The following HS3ST3B1 variants were observed in gnomAD, a reference collection of about 807,000 sequenced individuals.
HS3ST3B1 encodes the protein heparan sulfate-glucosamine 3-sulfotransferase 3B1, also known as heparan sulfate glucosamine 3-O-sulfotransferase 3B1.
Under a neutral mutation model 21.3 loss-of-function variants are expected in HS3ST3B1, and 13 were observed. That is an observed-to-expected ratio of 0.61 (90% CI 0.40 to 0.97). The LOEUF is 0.97. HS3ST3B1 is among the 50% of genes least tolerant of loss of function. The pLI, the probability that HS3ST3B1 is intolerant of heterozygous loss-of-function variation, is 0.00. For missense variants in HS3ST3B1, 459 were observed against 554.8 expected (o/e 0.83, Z 1.73); for synonymous variants, 234 against 254.8 (o/e 0.92, Z 0.78).
At position 14,301,300 on chromosome 17, in the gene HS3ST3B1, C is replaced by T; in HGVS notation, c.-219C>T. 2.0e-6 allele frequency: 1 copy of T among 495,746 alleles called. No individual in the cohort carries two copies. Among genetic ancestry groups the T allele is most frequent in the East Asian group, 3.5e-5 (1 of 28,814 alleles). 30.7% of individuals were successfully genotyped at this position (495,746 alleles called of 1,614,324 possible). ...CCGTCCCGACTTTCCGTTCCAGTTGCAGCTCCTGCCGGGCAACATGTCAAG... is the reference window on the plus strand; with the variant it reads ...CCGTCCCGACTTTCCGTTCCAGTTGTAGCTCCTGCCGGGCAACATGTCAAG... On this transcript the variant is annotated 5_prime_UTR_variant, in exon 1 of 2. Transcript: ENST00000360954.
Position 14,347,668 on chromosome 17 carries a change from A to AT in HS3ST3B1, c.*2023dup, listed in dbSNP as rs1224823903. ...TTAAGTGATGTCTTGAAAATCCAGT[A>AT]TGTATTTGCCCAAAAGTTTTAGCCT... On this transcript the variant is annotated 3_prime_UTR_variant, in exon 2 of 2. Coordinates refer to ENST00000360954, the MANE Select transcript of HS3ST3B1 (RefSeq NM_006041.3). 6.6e-6 allele frequency: 1 copy of AT among 152,248 alleles called. No homozygotes were observed. Among genetic ancestry groups the AT allele is most frequent in the Non-Finnish European group, 1.5e-5 (1 of 68,050 alleles). The allele number at this position is 152,248 out of a possible 1,614,324, so 9.4% of individuals were successfully genotyped here.
rs1909024146 is a variant in HS3ST3B1 at position 14,303,702 on chromosome 17, T to A, written c.554+1630T>A. 6.6e-6 allele frequency among the ~76,000 whole-genome samples: 1 copy of A among 152,132 alleles called. No homozygotes were observed. The highest frequency in any genetic ancestry group is 1.5e-5 in the Non-Finnish European group (1 of 68,032). Reference sequence around the variant, plus strand: ...CGCAGGCACGTGAGGGCCTCTCTAATCGTTAGCTATTGTCACCGATTGTAT... The same window carrying A: ...CGCAGGCACGTGAGGGCCTCTCTAAACGTTAGCTATTGTCACCGATTGTAT... On this transcript the variant is annotated intron_variant, in intron 1 of 1. Transcript: ENST00000360954. The surrounding 1 kb of genome is among the most constrained non-coding windows in gnomAD (Gnocchi z 5.7).
chr17:14,308,921 T>C (rs1388216600), intron 1 of HS3ST3B1, among the ~76,000 whole-genome samples: 1 of 152,196 alleles, frequency 6.6e-6, no homozygotes, highest in African/African-American at 2.4e-5. Flanking sequence ...GAAAGATGGT[T>C]CTGGGCAATG....
intron 1 of HS3ST3B1, among the ~76,000 whole-genome samples, chr17:14,337,509 T>TTG (rs972874523): frequency 6.6e-6 from 1 of 150,744 alleles, no homozygotes; most frequent in African/African-American, 2.4e-5. Context: ...TTTTTTTTTT[T>TTG]GTATTTTTAG....
chr17:14,326,447 T>G (rs1424238473), intron 1 of HS3ST3B1, among the ~76,000 whole-genome samples: 3 of 152,334 alleles, frequency 2.0e-5, no homozygotes, highest in South Asian at 2.1e-4. Context: ...ATTCCCAGCC[T>G]GTTTTCCAAT....
rs1043504716 is a variant in HS3ST3B1 at position 14,301,332 on chromosome 17, C to A, written c.-187C>A. ...TGCCGGGCAACATGTCAAGAGCCGC[C>A]GCCGCTACAGCTGCCGCCGCCACCT... is the stretch of plus-strand genomic sequence containing the variant. On this transcript the variant is annotated 5_prime_UTR_variant, in exon 1 of 2. Transcript: ENST00000360954. 1 of 513,898 alleles carries A rather than the reference C, an allele frequency of 1.9e-6. No individual in the cohort carries two copies. The highest frequency in any genetic ancestry group is 3.3e-6 in the Non-Finnish European group (1 of 305,138). 31.8% of individuals were successfully genotyped at this position (513,898 alleles called of 1,614,324 possible). A position where few individuals can be genotyped will look rare whatever the true frequency, so the allele number is the denominator to read the frequency against.
chr17:14,317,557 G>A (rs189567350), intron 1 of HS3ST3B1, among the ~76,000 whole-genome samples: 4 of 152,270 alleles, frequency 2.6e-5, no homozygotes, highest in East Asian at 1.9e-4. Context: ...ACTGAAGCAC[G>A]GATAGGAGCT....
chr17:14,348,929 T>C lies in HS3ST3B1; in HGVS notation c.*3283T>C, dbSNP rs1910650472. On this transcript the variant is annotated 3_prime_UTR_variant, in exon 2 of 2. Coordinates refer to ENST00000360954, the MANE Select transcript of HS3ST3B1 (RefSeq NM_006041.3). ...GATGGAGGAGGAGAAATTGTTTTCT[T>C]CCCAGGATTCTCTTTGGGGGTCATT... 1 of 152,238 alleles carries C rather than the reference T, an allele frequency of 6.6e-6. No homozygotes were observed. The highest frequency in any genetic ancestry group is 1.5e-5 in the Non-Finnish European group (1 of 68,036). The allele number at this position is 152,238 out of a possible 1,614,324, so 9.4% of individuals were successfully genotyped here. A position where few individuals can be genotyped will look rare whatever the true frequency, so the allele number is the denominator to read the frequency against.
intron 1 of HS3ST3B1, chr17:14,327,895 A>C (rs569981706): frequency 6.6e-6 from 1 of 152,340 alleles, no homozygotes; most frequent in Admixed American, 6.5e-5. Flanking sequence ...AGCTGCAATT[A>C]AAGATTTTGT....
chr17:14,336,412 A>T (rs1910187375), intron 1 of HS3ST3B1, among the ~76,000 whole-genome samples: 1 of 152,228 alleles, frequency 6.6e-6, no homozygotes, highest in Non-Finnish European at 1.5e-5. Context: ...CATCAGAATT[A>T]TAGGGCTTTT....
intron 1 of HS3ST3B1, chr17:14,329,367 A>AAGAAAAGGAAGGAAGG (rs1555549453): frequency 1.2e-3 from 124 of 106,190 alleles, no homozygotes; most frequent in African/African-American, 4.1e-3. Flanking sequence ...GAAAGAAAGA[A>AAGAAAAGGAAGGAAGG]AAGGAAGGAA....
intron 1 of HS3ST3B1, among the ~76,000 whole-genome samples, chr17:14,323,015 C>T (rs912617750): frequency 3.3e-5 from 5 of 151,128 alleles, no homozygotes; most frequent in Admixed American, 6.6e-5. Context: ...AAGCGATTCT[C>T]CTGCCTCAGC....
At chr17:14,313,255 A>C (rs1412195023) in intron 1 of HS3ST3B1, among the ~76,000 whole-genome samples, 1 of 151,544 alleles carries the variant, frequency 6.6e-6, no homozygotes, top group African/African-American at 2.4e-5. Context: ...GGTGTGAGCC[A>C]CTGAACCTGG....
At chr17:14,304,354 C>T (rs1278827498) in intron 1 of HS3ST3B1, 1 of 152,242 alleles carries the variant, frequency 6.6e-6, no homozygotes, top group Non-Finnish European at 1.5e-5. Flanking sequence ...CACTGCGTTC[C>T]TGGACTGCAC....
At chr17:14,329,071 G>A (rs915445129) in intron 1 of HS3ST3B1, 2 of 152,068 alleles carry the variant, frequency 1.3e-5, no homozygotes, top group Non-Finnish European at 2.9e-5. Flanking sequence ...GGGAAGCAGA[G>A]AGCTGGATGG....
intron 1 of HS3ST3B1, among the ~76,000 whole-genome samples, chr17:14,325,206 G>T (rs1332389800): frequency 6.6e-6 from 1 of 152,222 alleles, no homozygotes; most frequent in Non-Finnish European, 1.5e-5. Context: ...CACAGATAGG[G>T]CCCCTCCAAG....
At chr17:14,319,498 C>A (rs968897667) in intron 1 of HS3ST3B1, among the ~76,000 whole-genome samples, 1 of 152,108 alleles carries the variant, frequency 6.6e-6, no homozygotes, top group African/African-American at 2.4e-5. Flanking sequence ...ATTTTCGTTT[C>A]GTTTCTTAGA....
chr17:14,331,084 C>G (rs1909996168), intron 1 of HS3ST3B1, among the ~76,000 whole-genome samples: 1 of 152,210 alleles, frequency 6.6e-6, no homozygotes, highest in South Asian at 2.1e-4. Context: ...GTCCGCTTCC[C>G]AGAAAACTCT....
rs996370636 is a variant in HS3ST3B1, at chr17:14,333,451, G to A, written c.555-11577G>A. 2.6e-5 allele frequency among the ~76,000 whole-genome samples: 4 copies of A among 151,178 alleles called. No individual in the cohort carries two copies. The East Asian group carries it at 5.9e-4, about 22-fold the overall frequency. On this transcript the variant is annotated intron_variant, in intron 1 of 1. Coordinates refer to ENST00000360954, the MANE Select transcript of HS3ST3B1 (RefSeq NM_006041.3). ...CCACTGCACTCCAGCCTGGGTGACC[G>A]AGTGAGACTCCGACTCAAAAAAAAA...
Sources: gnomAD v4.1 joint callset for allele counts (sites outside exome capture counted in the v4.1 genomes callset) on GRCh38, gnomAD v4.1.1 for gene constraint, Gnocchi (gnomAD v3.1) non-coding constraint, MANE v1.5 for transcripts, NCBI Gene and HGNC (gene_info 2026-07-23, HGNC 2026-07-21) for gene names.